Variants in SLC29A3 observed in about 807,000 individuals in gnomAD.
SLC29A3 encodes the protein solute carrier family 29 member 3.
SLC29A3 carries 18 observed loss-of-function variants against 25.4 expected under a neutral mutation model. That is an observed-to-expected ratio of 0.71 (90% confidence interval 0.49 to 1.05). The LOEUF is 1.05. Ranked by LOEUF, SLC29A3 falls within the 50% of genes least tolerant of loss-of-function variation. SLC29A3 has a pLI of 0.00. For missense variants in SLC29A3, 586 were observed against 609.0 expected (o/e 0.96, Z 0.40); for synonymous variants, 258 against 267.1 (o/e 0.97, Z 0.33).
intron 3 of SLC29A3, among the ~76,000 whole-genome samples, chr10:71,348,679 C>T (rs758492581): frequency 6.6e-6 from 1 of 152,206 alleles, no homozygotes; most frequent in African/African-American, 2.4e-5. Context: ...TGCTCCGGGC[C>T]GCCAAGGGTC....
intron 2 of SLC29A3, among the ~76,000 whole-genome samples, chr10:71,339,827 C>G (rs1846350165): frequency 6.6e-6 from 1 of 152,154 alleles, no homozygotes; most frequent in East Asian, 1.9e-4. Context: ...CAAGATGGCC[C>G]TGGTGGAAAC....
chr10:71,332,696 A>G (rs970247350), intron 2 of SLC29A3, among the ~76,000 whole-genome samples: 3 of 152,148 alleles, frequency 2.0e-5, no homozygotes, highest in Non-Finnish European at 4.4e-5. Context: ...AAAAATTAGA[A>G]CCAAAAGTGA....
intron 5 of SLC29A3, among the ~76,000 whole-genome samples, chr10:71,360,888 T>A (rs534296182): frequency 2.0e-5 from 3 of 152,324 alleles, no homozygotes; most frequent in East Asian, 3.9e-4. Context: ...TGTAGAAGGA[T>A]GGCCACAAGA....
intron 2 of SLC29A3, among the ~76,000 whole-genome samples, chr10:71,331,585 C>G (rs1402454319): frequency 6.6e-6 from 1 of 152,146 alleles, no homozygotes; most frequent in Non-Finnish European, 1.5e-5. Flanking sequence ...AAGATGCAGA[C>G]AGCTCACTCA....
At chr10:71,363,807 TCTTTTC>T (rs1564544672), downstream of SLC29A3, among the ~76,000 whole-genome samples, 1 of 67,554 alleles carries the variant, frequency 1.5e-5, no homozygotes, top group East Asian at 3.7e-4. Flanking sequence ...TTTTCCTTTT[TCTTTTC>T]TTTTTTTTTT....
At chr10:71,379,514 G>C (rs35462186) in intron 4 of SLC29A3, among the ~76,000 whole-genome samples, 1 of 152,172 alleles carries the variant, frequency 6.6e-6, no homozygotes, top group Non-Finnish European at 1.5e-5. Flanking sequence ...TAATGAATCA[G>C]TTGTTTTTCT....
chr10:71,358,077 T>C (rs76859226), intron 5 of SLC29A3, among the ~76,000 whole-genome samples: 2,330 of 152,320 alleles, frequency 0.015, 55 homozygotes, highest in African/African-American at 0.034. Context: ...ACTTGAGAGC[T>C]GGGGAAACTG....
exon 5 of SLC29A3, chr10:71,380,179 C>T (rs1473182186): frequency 2.0e-5 from 3 of 152,208 alleles, no homozygotes; most frequent in East Asian, 3.8e-4. Flanking sequence ...CACCCCACGG[C>T]TTTTACACTT....
Position 71,346,369 on chromosome 10 carries a change from CA to C in SLC29A3, c.383+2079del, listed in dbSNP as rs545201846. 5.3e-5 allele frequency among the ~76,000 whole-genome samples: 8 copies of C among 152,212 alleles called. No individual in the cohort carries two copies. In the South Asian group the frequency reaches 1.7e-3, roughly 32 times the overall value. On this transcript the variant is annotated intron_variant, in intron 3 of 5. Coordinates refer to ENST00000373189, the MANE Select transcript of SLC29A3 (RefSeq NM_018344.6). ...CTGGTTTGAGATGGGAAAACAGGCT[CA>C]TGGAGGTGACTGGCCCAAGGGAAGG...
Position 71,362,220 on chromosome 10 carries a change from TC to T in SLC29A3, c.1045del (p.Leu349SerfsTer56), listed in dbSNP as rs869025176. Reference protein sequence around the residue: ...SGSLWTTKFFIPLTTFLLYNF... With the variant: ...SGSLWTTKFFXPLTTFLLYNF... Reference sequence around the variant, plus strand: ...TCACTGTGGACCACCAAGTTTTTCATCCCCCTCACTACCTTCCTCCTGTACA... The same window carrying T: ...TCACTGTGGACCACCAAGTTTTTCATCCCCTCACTACCTTCCTCCTGTACA... On this transcript the variant is annotated frameshift_variant, in exon 6 of 6. Coordinates refer to ENST00000373189, the MANE Select transcript of SLC29A3 (RefSeq NM_018344.6). LOFTEE classifies it high-confidence loss of function. 1.2e-6 allele frequency: 2 copies of T among 1,614,066 alleles called. No homozygotes were observed. Among genetic ancestry groups the T allele is most frequent in the Non-Finnish European group, 1.7e-6 (2 of 1,180,014 alleles).
At position 71,351,675 on chromosome 10, in the gene SLC29A3, C is replaced by T. The variant is rs762456847; in HGVS notation, c.497C>T (p.Ala166Val). The T allele has an allele frequency of 5.0e-6, 8 of 1,614,032 alleles. No homozygotes were observed. Among genetic ancestry groups the T allele is most frequent in the Middle Eastern group, 1.6e-4 (1 of 6,084 alleles). ...TCCTCCTGGACCCGTGGCTTTTTTG[C>T]GGTCACCATTGTCTGCATGGTGATC... ...DTSSWTRGFF[A>V]VTIVCMVILS... is the part of the protein sequence containing the mutation. Residue 166 changes from alanine to valine, a missense_variant, in exon 4 of 6, where the codon GCG (alanine) becomes GTG (valine). Transcript: ENST00000373189.
chr10:71,341,132 C>A (rs1326729748), intron 2 of SLC29A3, among the ~76,000 whole-genome samples: 1 of 152,104 alleles, frequency 6.6e-6, no homozygotes, highest in African/African-American at 2.4e-5. Flanking sequence ...GGGCTTGACT[C>A]CCCCATCCTC....
intron 2 of SLC29A3, among the ~76,000 whole-genome samples, chr10:71,342,753 A>G (rs1846444629): frequency 1.3e-5 from 2 of 152,230 alleles, no homozygotes; most frequent in Admixed American, 6.5e-5. Flanking sequence ...CGACCAGTCC[A>G]GGCTCTACTG....
At chr10:71,336,946 A>G (rs1298034714) in intron 2 of SLC29A3, among the ~76,000 whole-genome samples, 1 of 152,150 alleles carries the variant, frequency 6.6e-6, no homozygotes, top group Non-Finnish European at 1.5e-5. Context: ...ATGAGAGGCC[A>G]AAGGAGGGAC....
At chr10:71,345,278 G>A (rs955237355) in intron 3 of SLC29A3, among the ~76,000 whole-genome samples, 10 of 152,196 alleles carry the variant, frequency 6.6e-5, no homozygotes, top group Non-Finnish European at 1.2e-4. Context: ...TGTTCTGGGG[G>A]TTATCGAGGT....
At chr10:71,350,711 C>T (rs904278773) in intron 3 of SLC29A3, among the ~76,000 whole-genome samples, 3 of 152,174 alleles carry the variant, frequency 2.0e-5, no homozygotes, top group African/African-American at 7.2e-5. Context: ...GAGGCCATCA[C>T]AGGAGGATGC....
At chr10:71,347,536 A>G (rs529032198) in intron 3 of SLC29A3, among the ~76,000 whole-genome samples, 1 of 152,330 alleles carries the variant, frequency 6.6e-6, no homozygotes, top group East Asian at 1.9e-4. Context: ...TCCTGGGTGG[A>G]AGCAGCAGAG....
At chr10:71,356,033 C>T (rs1205000159) in intron 4 of SLC29A3, 48 bp from the exon 5 acceptor site, 3 of 1,608,916 alleles carry the variant, frequency 1.9e-6, no homozygotes, top group Non-Finnish European at 2.5e-6. Flanking sequence ...GCAGCCACTC[C>T]TCCTCGCCCA....
intron 2 of SLC29A3, among the ~76,000 whole-genome samples, chr10:71,332,219 G>T (rs191607551): frequency 8.7e-4 from 129 of 148,022 alleles, no homozygotes; most frequent in African/African-American, 3.2e-3. Flanking sequence ...TGCGATCTTG[G>T]CTCCTGGGTT....
Sources: gnomAD v4.1 joint callset for allele counts (sites outside exome capture counted in the v4.1 genomes callset) on GRCh38, gnomAD v4.1.1 for gene constraint, MANE v1.5 for transcripts, NCBI Gene and HGNC (gene_info 2026-07-23, HGNC 2026-07-21) for gene names.